Variants in CFAP47 observed in about 807,000 individuals in gnomAD.
CFAP47 encodes the protein cilia- and flagella-associated protein 47.
CFAP47 carries 29 observed loss-of-function variants against 148.1 expected under a neutral mutation model. The observed-to-expected ratio is 0.20, with a 90% CI of 0.15 to 0.27. CFAP47 has a LOEUF of 0.27. Among genes scored for constraint, CFAP47 ranks in the 10% least tolerant of loss-of-function variants. The pLI, the probability that CFAP47 is intolerant of heterozygous loss-of-function variation, is 1.00. For missense variants in CFAP47, 1,872 were observed against 1,697.5 expected (o/e 1.10, Z -1.81); for synonymous variants, 664 against 577.3 (o/e 1.15, Z -2.15).
At chrX:36,232,952 T>A (rs1292251665) in intron 46 of CFAP47, among the ~76,000 whole-genome samples, 1 of 112,269 alleles carries the variant, frequency 8.9e-6, no homozygotes, top group Admixed American at 9.4e-5. Context: ...TCCTGAGTTC[T>A]AGTTTGATTG....
chrX:36,111,914 C>G (rs1938561928), intron 33 of CFAP47, among the ~76,000 whole-genome samples: 1 of 111,703 alleles, frequency 9.0e-6, no homozygotes, highest in Admixed American at 9.5e-5. Context: ...TCATAATATT[C>G]TCTGATAATT....
chrX:36,178,411 T>C (rs1350971788), intron 39 of CFAP47, among the ~76,000 whole-genome samples: 1 of 111,251 alleles, frequency 9.0e-6, no homozygotes, highest in Non-Finnish European at 1.9e-5. Context: ...AGAAAAATAA[T>C]AAATTTTAGG....
At chrX:36,140,422 T>A (rs1361280172) in intron 35 of CFAP47, among the ~76,000 whole-genome samples, 1 of 111,796 alleles carries the variant, frequency 8.9e-6, no homozygotes. Flanking sequence ...TGGCTCAATA[T>A]ATTTATTTTA....
intron 15 of CFAP47, among the ~76,000 whole-genome samples, chrX:35,979,509 C>T: frequency 9.1e-6 from 1 of 109,967 alleles, no homozygotes; most frequent in Non-Finnish European, 1.9e-5. Context: ...CAGTCCCAGC[C>T]TTGCTCAATC....
At chrX:36,379,640 A>G in intron 63 of CFAP47, 122 bp downstream of exon 63, 1 of 561,493 alleles carries the variant, frequency 1.8e-6, no homozygotes, top group East Asian at 3.7e-5. Flanking sequence ...CTGTGCAAAA[A>G]TCAACTTATC....
rs782003423 is a variant in CFAP47 at position 36,236,727 on chromosome X, C to T, written c.7200C>T (p.His2400=). The part of the protein sequence containing the change: ...ILQNEVDGRE[H]IFDIKGVGKK... ...AAAATGAAGTAGATGGTAGGGAGCACATCTTTGACATAAAAGGGGTTGGGA... is the reference window on the plus strand; with the variant it reads ...AAAATGAAGTAGATGGTAGGGAGCATATCTTTGACATAAAAGGGGTTGGGA... The change falls in exon 48 of 64, where the codon CAC becomes CAT. Residue 2400 remains histidine (H), a synonymous_variant. Coordinates refer to ENST00000378653, the MANE Select transcript of CFAP47 (RefSeq NM_001304548.2). The T allele has an allele frequency of 5.7e-6, 3 of 523,651 alleles. No individual in the cohort carries two copies. Among genetic ancestry groups the T allele is most frequent in the African/African-American group, 4.6e-5 (2 of 43,221 alleles). 43.2% of individuals were successfully genotyped at this position (523,651 alleles called of 1,213,427 possible).
At chrX:36,344,255 AAG>A (rs1491036632) in intron 57 of CFAP47, among the ~76,000 whole-genome samples, 10 of 97,035 alleles carry the variant, frequency 1.0e-4, no homozygotes, top group African/African-American at 5.3e-4. Flanking sequence ...AAAAGAGAGA[AAG>A]AAAAAAAAAA....
intron 45 of CFAP47, among the ~76,000 whole-genome samples, chrX:36,218,749 C>T (rs782202898): frequency 1.3e-4 from 14 of 111,827 alleles, no homozygotes; most frequent in Non-Finnish European, 2.1e-4. Flanking sequence ...TTTAGGGAGA[C>T]AAGTTACAGG....
At chrX:36,126,048 T>A (rs1419215326) in intron 33 of CFAP47, among the ~76,000 whole-genome samples, 2 of 108,718 alleles carry the variant, frequency 1.8e-5, no homozygotes, top group Admixed American at 9.8e-5. Flanking sequence ...TTTTCTTTTT[T>A]TTTGCTTTTG....
At chrX:36,311,249 A>C (rs1556009935) in intron 56 of CFAP47, among the ~76,000 whole-genome samples, 1 of 110,975 alleles carries the variant, frequency 9.0e-6, no homozygotes, top group African/African-American at 3.3e-5. Flanking sequence ...AAATATGTAA[A>C]TTAGTAGATT....
chrX:36,088,270 A>C (rs1412866381), intron 30 of CFAP47, among the ~76,000 whole-genome samples: 1 of 111,669 alleles, frequency 9.0e-6, no homozygotes. Flanking sequence ...ACTGAATGTT[A>C]TATTTTATAA....
chrX:36,327,200 T>C (rs1556013224), intron 57 of CFAP47, among the ~76,000 whole-genome samples: 1 of 111,077 alleles, frequency 9.0e-6, no homozygotes, highest in African/African-American at 3.3e-5. Context: ...TGGGAGAAAA[T>C]AGTCACAAAC....
At chrX:36,172,136 G>T (rs1214820226) in intron 39 of CFAP47, among the ~76,000 whole-genome samples, 8 of 104,676 alleles carry the variant, frequency 7.6e-5, no homozygotes, top group African/African-American at 2.7e-4. Context: ...TGTGATTTTT[G>T]TACATTGATT....
intron 3 of CFAP47, among the ~76,000 whole-genome samples, chrX:35,943,828 T>C (rs541683058): frequency 1.1e-3 from 125 of 111,475 alleles, no homozygotes; most frequent in African/African-American, 3.8e-3. Context: ...TTTAAAATTT[T>C]TGTGGGCACA....
intron 26 of CFAP47, among the ~76,000 whole-genome samples, chrX:36,051,735 T>TA (rs1937520964): frequency 9.0e-6 from 1 of 111,379 alleles, no homozygotes; most frequent in African/African-American, 3.3e-5. Flanking sequence ...TGATTGGTTT[T>TA]AAAATGTGAG....
intron 21 of CFAP47, among the ~76,000 whole-genome samples, chrX:36,008,808 T>C (rs1456552467): frequency 2.7e-5 from 3 of 111,088 alleles, no homozygotes. Flanking sequence ...TAAATAATTT[T>C]AAAAAGCCTG....
At chrX:36,224,275 TA>T (rs201853918) in intron 45 of CFAP47, among the ~76,000 whole-genome samples, 5 of 109,613 alleles carry the variant, frequency 4.6e-5, no homozygotes, top group African/African-American at 6.6e-5. Context: ...AAGTTGAGTT[TA>T]AAAAAAAACC....
intron 26 of CFAP47, among the ~76,000 whole-genome samples, chrX:36,058,414 T>C (rs773583517): frequency 8.9e-6 from 1 of 111,873 alleles, no homozygotes; most frequent in East Asian, 2.8e-4. Context: ...TCAGCTGCTT[T>C]GTAAGAGTCT....
intron 2 of CFAP47, among the ~76,000 whole-genome samples, chrX:35,936,916 GC>G (rs1287268165): frequency 1.9e-5 from 2 of 108,053 alleles, no homozygotes; most frequent in East Asian, 3.0e-4. Context: ...CCCCTTGGCT[GC>G]CCAGGTCTTC....
Sources: allele counts gnomAD v4.1 joint callset (sites outside exome capture counted in the v4.1 genomes callset), GRCh38; gene constraint gnomAD v4.1.1; transcripts MANE v1.5; gene names NCBI Gene and HGNC (gene_info 2026-07-23, HGNC 2026-07-21).